The following PRKAR1B variants were observed in gnomAD, a reference collection of about 807,000 sequenced individuals.
The protein encoded by PRKAR1B is cAMP-dependent protein kinase type I-beta regulatory subunit.
A neutral mutation model predicts 46.5 loss-of-function variants in PRKAR1B; 22 were observed. The ratio of observed to expected loss-of-function variants is 0.47; its 90% CI spans 0.34 to 0.68. The LOEUF is 0.68. Ranked by LOEUF, PRKAR1B falls within the 30% of genes least tolerant of loss-of-function variation. PRKAR1B has a pLI of 0.01. For synonymous variants in PRKAR1B, 259 were observed against 217.7 expected, an observed-to-expected ratio of 1.19 and a Z score of -1.67; for missense variants, 445 against 535.6, an observed-to-expected ratio of 0.83 and a Z score of 1.67.
intron 8 of PRKAR1B, among the ~76,000 whole-genome samples, chr7:584,137 T>G (rs1300611137): frequency 1.3e-5 from 2 of 152,082 alleles, no homozygotes; most frequent in African/African-American, 4.8e-5. Context: ...TCGACCCAGC[T>G]CACACGTGTA....
At chr7:556,341 A>C (rs2128421813) in intron 9 of PRKAR1B, among the ~76,000 whole-genome samples, 3 of 132,754 alleles carry the variant, frequency 2.3e-5, no homozygotes, top group African/African-American at 2.8e-5. Context: ...CCCGACCCCA[A>C]TCACCCCCAA....
At chr7:657,388 CATGG>C (rs538399335) in intron 4 of PRKAR1B, among the ~76,000 whole-genome samples, 54 of 147,680 alleles carry the variant, frequency 3.7e-4, no homozygotes, top group Middle Eastern at 3.8e-3. Flanking sequence ...TGAATGTGTG[CATGG>C]ATGGATGGAT....
chr7:633,633 G>A (rs924216577), intron 4 of PRKAR1B, among the ~76,000 whole-genome samples: 2 of 152,106 alleles, frequency 1.3e-5, no homozygotes, highest in East Asian at 1.9e-4. Context: ...GTGTGGTGGT[G>A]CATGCCTGTG....
intron 9 of PRKAR1B, among the ~76,000 whole-genome samples, chr7:555,028 C>A (rs1465085486): frequency 6.6e-6 from 1 of 152,132 alleles, no homozygotes; most frequent in Non-Finnish European, 1.5e-5. Context: ...CCACAGGCCA[C>A]CCCTACACCA....
intron 6 of PRKAR1B, among the ~76,000 whole-genome samples, chr7:604,770 C>G (rs575827547): frequency 6.6e-6 from 1 of 152,154 alleles, no homozygotes; most frequent in South Asian, 2.1e-4. Flanking sequence ...GGCCAGACCT[C>G]GAAATAGCTC....
At chr7:580,730 G>A (rs1167751959) in intron 8 of PRKAR1B, among the ~76,000 whole-genome samples, 10 of 123,656 alleles carry the variant, frequency 8.1e-5, no homozygotes, top group African/African-American at 2.5e-4. Flanking sequence ...CCTGATTAAC[G>A]ATTTCTTTTT....
In PRKAR1B at chr7:633,307, C is replaced by T. The variant is rs189227270; in HGVS notation, c.441-25855G>A. ...TTTGCTTATTTAAACCACACATAGG[C>T]AAATCGACACAGAAAATATTAAGAT... On this transcript the variant is annotated intron_variant, in intron 4 of 10. Coordinates refer to ENST00000537384, the MANE Select transcript of PRKAR1B (RefSeq NM_001164760.2). Among the ~76,000 whole-genome samples the T allele has an allele frequency of 5.9e-5, 9 of 152,214 alleles. No homozygotes were observed. In the East Asian group the frequency reaches 7.7e-4, roughly 13 times the overall value.
intron 4 of PRKAR1B, among the ~76,000 whole-genome samples, chr7:656,715 AAATGAGTGGATGG>A (rs1785215703): frequency 6.6e-6 from 1 of 152,006 alleles, no homozygotes; most frequent in African/African-American, 2.4e-5. Context: ...ATGGGTGAAC[AAATGAGTGGATGG>A]ATGTGTAAAT....
intron 2 of PRKAR1B, among the ~76,000 whole-genome samples, chr7:710,631 ATTTTCTTTTTCCTTTTTTTTTTTT>A (rs979792934): frequency 2.9e-5 from 4 of 136,804 alleles, no homozygotes; most frequent in Non-Finnish European, 6.3e-5. Flanking sequence ...CATGGGAGCT[ATTTTCTTTTTCCTTTTTTTTTTTT>A]TTTTTTTTGA....
chr7:678,037 G>A (rs1442922326), intron 3 of PRKAR1B, among the ~76,000 whole-genome samples: 23 of 152,218 alleles, frequency 1.5e-4, no homozygotes, highest in Admixed American at 1.4e-3. Flanking sequence ...TTGAGAGGCC[G>A]AGGCAGGCGG....
At position 693,028 on chromosome 7, in the gene PRKAR1B, G is replaced by A. The variant is rs190247507; in HGVS notation, c.178-12302C>T. ...CGGCTCACTGCAAGCTCCGCCTCCCGGTTTCACACCTTTCTCCTGCCTCAG... is the reference window on the plus strand; with the variant it reads ...CGGCTCACTGCAAGCTCCGCCTCCCAGTTTCACACCTTTCTCCTGCCTCAG... On this transcript the variant is annotated intron_variant, in intron 2 of 10. Transcript: ENST00000537384. Among the ~76,000 whole-genome samples, 250 of 151,896 alleles carry A rather than the reference G, an allele frequency of 1.6e-3. 1 individual carries two copies. Among genetic ancestry groups the A allele is most frequent in the African/African-American group, 5.6e-3 (232 of 41,396 alleles).
chr7:586,093 T>A (rs1780577547), intron 7 of PRKAR1B, among the ~76,000 whole-genome samples: 1 of 152,062 alleles, frequency 6.6e-6, no homozygotes, highest in Admixed American at 6.6e-5. Context: ...GCAGCAGCCA[T>A]CCTGGGCCCC....
At chr7:655,259 T>C (rs1368640262) in intron 4 of PRKAR1B, among the ~76,000 whole-genome samples, 1 of 152,348 alleles carries the variant, frequency 6.6e-6, no homozygotes, top group East Asian at 1.9e-4. Context: ...CTACAAGATC[T>C]GGCGCCTCTT....
intron 4 of PRKAR1B, among the ~76,000 whole-genome samples, chr7:674,977 G>A (rs1786496327): frequency 6.6e-6 from 1 of 152,184 alleles, no homozygotes; most frequent in African/African-American, 2.4e-5. Context: ...TGAGATTCCA[G>A]CAAAATGTAT....
At position 632,105 on chromosome 7, in the gene PRKAR1B, C is replaced by T. The variant is rs191932721; in HGVS notation, c.441-24653G>A. On this transcript the variant is annotated intron_variant, in intron 4 of 10. Coordinates refer to ENST00000537384, the MANE Select transcript of PRKAR1B (RefSeq NM_001164760.2). ...CGTGTGAGCCAGCGTCTCCGTGTGA[C>T]CCTCCTGCGCACACGCAACAGAGCC... Among the ~76,000 whole-genome samples the T allele has an allele frequency of 1.6e-3, 237 of 152,324 alleles. 4 individuals carry two copies. The East Asian group carries it at 0.039, about 25-fold the overall frequency.
At chr7:591,097 G>T (rs775411035) in intron 7 of PRKAR1B, among the ~76,000 whole-genome samples, 1 of 152,282 alleles carries the variant, frequency 6.6e-6, no homozygotes, top group Non-Finnish European at 1.5e-5. Flanking sequence ...TTTGCCCGGG[G>T]AACCTCAGAC....
chr7:653,814 T>G (rs910738895), intron 4 of PRKAR1B, among the ~76,000 whole-genome samples: 2 of 152,112 alleles, frequency 1.3e-5, no homozygotes, highest in Non-Finnish European at 2.9e-5. Flanking sequence ...CTAGTGCTCA[T>G]CACCCTTATT....
In PRKAR1B at chr7:560,692, C is replaced by A. The variant is rs2128425137; in HGVS notation, c.892-9222G>T. ...CAGGCAAGGCCCATAGCTGCTCCAG[C>A]CTCAGCTGCCTCATCTGTTATATGG... On this transcript the variant is annotated intron_variant, in intron 9 of 10. Transcript: ENST00000537384. This position sits in a 1 kb window ranked among gnomAD's most constrained non-coding sequence, Gnocchi z 4.2. 6.6e-6 allele frequency among the ~76,000 whole-genome samples: 1 copy of A among 152,354 alleles called. No homozygotes were observed. Among genetic ancestry groups the A allele is most frequent in the East Asian group, 1.9e-4 (1 of 5,190 alleles).
At chr7:585,037 G>A (rs949048473) in intron 7 of PRKAR1B, among the ~76,000 whole-genome samples, 3 of 152,076 alleles carry the variant, frequency 2.0e-5, no homozygotes, top group Admixed American at 1.3e-4. Context: ...AAGCTGCCTC[G>A]TTACCCATTA....
Sources: gnomAD v4.1 joint callset for allele counts (sites outside exome capture counted in the v4.1 genomes callset) on GRCh38, gnomAD v4.1.1 for gene constraint, Gnocchi (gnomAD v3.1) non-coding constraint, MANE v1.5 for transcripts, NCBI Gene and HGNC (gene_info 2026-07-23, HGNC 2026-07-21) for gene names.